The following SGMS1 variants were observed in gnomAD, a reference collection of about 807,000 sequenced individuals.
The protein encoded by SGMS1 is sphingomyelin synthase 1.
A neutral mutation model predicts 46.2 loss-of-function variants in SGMS1; 13 were observed. That is an observed-to-expected ratio of 0.28 (90% CI 0.18 to 0.45). The LOEUF (loss-of-function observed/expected upper bound fraction) is 0.45, where lower values mean the gene tolerates loss of function less well. Among genes scored for constraint, SGMS1 ranks in the 20% least tolerant of loss-of-function variants. The probability of loss-of-function intolerance (pLI) is 1.00; values close to 1 mark genes in which losing one functional copy is unlikely to be tolerated. For missense variants in SGMS1, 324 were observed against 519.9 expected, an observed-to-expected ratio of 0.62 and a Z score of 3.66; for synonymous variants, 203 against 187.8, an observed-to-expected ratio of 1.08 and a Z score of -0.66.
At chr10:50,588,390 A>T (rs1441478958) in intron 2 of SGMS1, among the ~76,000 whole-genome samples, 1 of 152,224 alleles carries the variant, frequency 6.6e-6, no homozygotes, top group Non-Finnish European at 1.5e-5. Context: ...CCGTAAATAA[A>T]TAGTAACTGA....
chr10:50,431,766 C>T (rs943708738), intron 6 of SGMS1, among the ~76,000 whole-genome samples: 1 of 152,136 alleles, frequency 6.6e-6, no homozygotes, highest in Non-Finnish European at 1.5e-5. Flanking sequence ...GTCTCTGTAG[C>T]ACCACTACCT....
intron 6 of SGMS1, among the ~76,000 whole-genome samples, chr10:50,372,952 A>AC (rs1482791448): frequency 6.6e-6 from 1 of 151,906 alleles, no homozygotes; most frequent in Non-Finnish European, 1.5e-5. Flanking sequence ...TAATATAAAA[A>AC]AAATATTCAA....
chr10:50,600,257 G>A (rs1838637312), intron 1 of SGMS1, among the ~76,000 whole-genome samples: 1 of 152,182 alleles, frequency 6.6e-6, no homozygotes, highest in South Asian at 2.1e-4. Context: ...TTATGAAAGA[G>A]GAGGGAAAAG....
At chr10:50,447,668 T>C (rs1837039474) in intron 5 of SGMS1, among the ~76,000 whole-genome samples, 1 of 152,226 alleles carries the variant, frequency 6.6e-6, no homozygotes, top group Non-Finnish European at 1.5e-5. Flanking sequence ...TTATCACGTA[T>C]AACATGTTTT....
At chr10:50,509,293 T>C (rs1240901227) in intron 3 of SGMS1, among the ~76,000 whole-genome samples, 2 of 152,202 alleles carry the variant, frequency 1.3e-5, no homozygotes, top group Admixed American at 6.5e-5. Flanking sequence ...GTTTAAGAGC[T>C]CTACAGCTTC....
chr10:50,414,481 G>A (rs915741993), intron 6 of SGMS1, among the ~76,000 whole-genome samples: 2 of 152,222 alleles, frequency 1.3e-5, no homozygotes, highest in Non-Finnish European at 2.9e-5. Context: ...AGTAGTAGTA[G>A]TGACAGTAGT....
intron 6 of SGMS1, among the ~76,000 whole-genome samples, chr10:50,425,175 G>A (rs748235893): frequency 3.3e-5 from 5 of 152,196 alleles, no homozygotes; most frequent in Non-Finnish European, 5.9e-5. Flanking sequence ...AGCCTCTGTG[G>A]AAAGCAGTTT....
At chr10:50,561,833 C>A (rs1446387460) in intron 2 of SGMS1, among the ~76,000 whole-genome samples, 1 of 152,176 alleles carries the variant, frequency 6.6e-6, no homozygotes, top group Admixed American at 6.5e-5. Flanking sequence ...GGCTCACCAG[C>A]TGATCTCTAC....
intron 1 of SGMS1, among the ~76,000 whole-genome samples, chr10:50,619,939 T>C (rs1342413341): frequency 1.3e-5 from 2 of 152,352 alleles, no homozygotes; most frequent in East Asian, 3.9e-4. Flanking sequence ...TCTCTGTGTC[T>C]TTCTCTTCGC....
At chr10:50,458,072 A>G (rs929045416) in intron 5 of SGMS1, among the ~76,000 whole-genome samples, 2 of 152,218 alleles carry the variant, frequency 1.3e-5, no homozygotes, top group Non-Finnish European at 2.9e-5. Context: ...TCAGTCCGTC[A>G]TTCACCAGAA....
At chr10:50,324,007 C>T (rs4935617) in intron 8 of SGMS1, among the ~76,000 whole-genome samples, 3,352 of 152,264 alleles carry the variant, frequency 0.022, 116 homozygotes, top group African/African-American at 0.074. Flanking sequence ...CAGTAGGTCC[C>T]TAATGTATGT....
chr10:50,380,565 A>G (rs1448063991), intron 6 of SGMS1, among the ~76,000 whole-genome samples: 1 of 151,990 alleles, frequency 6.6e-6, no homozygotes, highest in Non-Finnish European at 1.5e-5. Flanking sequence ...TCAGCCCATT[A>G]GCAGAATCAG....
intron 2 of SGMS1, among the ~76,000 whole-genome samples, chr10:50,573,998 C>A (rs1838358276): frequency 6.6e-6 from 1 of 152,098 alleles, no homozygotes; most frequent in South Asian, 2.1e-4. Context: ...TGAACCATGT[C>A]TTACATCATA....
intron 1 of SGMS1, among the ~76,000 whole-genome samples, chr10:50,603,546 C>T (rs1029985680): frequency 2.0e-5 from 3 of 152,168 alleles, no homozygotes; most frequent in African/African-American, 7.2e-5. Context: ...CACACACACA[C>T]AAAATCCAAG....
intron 3 of SGMS1, among the ~76,000 whole-genome samples, chr10:50,482,382 A>G (rs1489775549): frequency 6.6e-6 from 1 of 152,254 alleles, no homozygotes; most frequent in African/African-American, 2.4e-5. Context: ...TTCTTAAAGA[A>G]AAGAATTTCC....
At chr10:50,438,949 G>A (rs1482828599) in intron 5 of SGMS1, among the ~76,000 whole-genome samples, 1 of 152,178 alleles carries the variant, frequency 6.6e-6, no homozygotes. Flanking sequence ...CTCAACATGC[G>A]AAACATGACA....
intron 9 of SGMS1, among the ~76,000 whole-genome samples, chr10:50,310,245 ATCTC>A (rs1461927551): frequency 6.6e-6 from 1 of 152,128 alleles, no homozygotes; most frequent in East Asian, 1.9e-4. Context: ...AAGGCAAAGC[ATCTC>A]CCTCCTCTGT....
intron 6 of SGMS1, among the ~76,000 whole-genome samples, chr10:50,402,182 G>A (rs568904900): frequency 2.4e-4 from 37 of 152,266 alleles, no homozygotes; most frequent in African/African-American, 7.7e-4. Context: ...AAATGGATGC[G>A]TAATAAGCAT....
intron 8 of SGMS1, 116 bp downstream of exon 8, chr10:50,327,085 CAGAT>C: frequency 1.6e-6 from 1 of 609,210 alleles, no homozygotes; most frequent in Non-Finnish European, 2.9e-6. Flanking sequence ...GTAACATTCT[CAGAT>C]AGAGGAGTGA....
Sources: allele counts gnomAD v4.1 joint callset (sites outside exome capture counted in the v4.1 genomes callset), GRCh38; gene constraint gnomAD v4.1.1; transcripts MANE v1.5; gene names NCBI Gene and HGNC (gene_info 2026-07-23, HGNC 2026-07-21).